The following NUP93 variants were observed in gnomAD, a reference collection of about 807,000 sequenced individuals.
The protein encoded by NUP93 is nuclear pore complex protein Nup93.
NUP93 carries 55 observed loss-of-function variants against 107.8 expected under a neutral mutation model. That is an observed-to-expected ratio of 0.51 (90% CI 0.41 to 0.64). NUP93 has a LOEUF of 0.64. NUP93 is among the 30% of genes least tolerant of loss of function. NUP93 has a pLI of 0.00. For missense variants in NUP93, 937 were observed against 1,044.7 expected, an observed-to-expected ratio of 0.90 and a Z score of 1.42; for synonymous variants, 390 against 397.5, an observed-to-expected ratio of 0.98 and a Z score of 0.22.
chr16:56,781,671 G>A, intron 3 of NUP93: 4 of 191,492 alleles, frequency 2.1e-5, no homozygotes, highest in Non-Finnish European at 3.8e-5. Context: ...CAAGATGTCG[G>A]AAGTCATCAA....
chr16:56,839,706 T>A, intron 20 of NUP93, 102 bp downstream of exon 20: 2 of 944,936 alleles, frequency 2.1e-6, no homozygotes, highest in Non-Finnish European at 3.4e-6. Context: ...CTAGTTACAG[T>A]AACTATCCAG....
intron 20 of NUP93, chr16:56,840,055 C>A (rs969169724): frequency 1.4e-4 from 25 of 174,508 alleles, no homozygotes; most frequent in African/African-American, 5.0e-4. Context: ...GAGTCTCACT[C>A]TGTCACCCAG....
In NUP93 at chr16:56,850,095, TTTCC is replaced by T. The variant is rs1382579006; in HGVS notation, c.*5489_*5492del. On this transcript the variant is annotated 3_prime_UTR_variant, in exon 22 of 22. Transcript: ENST00000308159. ...TTGCGTTTTTCAGTTGACTGATTAT[TTTCC>T]TTTTTTTCTTTTTTGCTTTTCTCGA... 2.0e-5 allele frequency: 3 copies of T among 152,236 alleles called. No individual in the cohort carries two copies. The highest frequency in any genetic ancestry group is 7.2e-5 in the African/African-American group (3 of 41,452). 9.4% of individuals were successfully genotyped at this position (152,236 alleles called of 1,614,324 possible).
intron 5 of NUP93, among the ~76,000 whole-genome samples, chr16:56,815,247 C>T (rs142600574): frequency 2.0e-5 from 3 of 152,150 alleles, no homozygotes; most frequent in Non-Finnish European, 2.9e-5. Flanking sequence ...TGTTTATTCT[C>T]CTTGACTAGG....
intron 5 of NUP93, among the ~76,000 whole-genome samples, chr16:56,808,522 A>ATAAATATATAGTTATGTAAC (rs1963222457): frequency 1.6e-5 from 2 of 124,706 alleles, no homozygotes; most frequent in Admixed American, 8.7e-5. Flanking sequence ...ATGTAACTAT[A>ATAAATATATAGTTATGTAAC]TATAAATATA....
chr16:56,819,671 T>C (rs1442989860), intron 6 of NUP93, among the ~76,000 whole-genome samples: 1 of 152,366 alleles, frequency 6.6e-6, no homozygotes, highest in African/African-American at 2.4e-5. Flanking sequence ...GACCCTGTGC[T>C]CTTTAACCAA....
chr16:56,741,364 A>G (rs888386784), intron 1 of NUP93, among the ~76,000 whole-genome samples: 2 of 152,228 alleles, frequency 1.3e-5, no homozygotes, highest in African/African-American at 4.8e-5. Flanking sequence ...TCCTTGAAGT[A>G]GGTAGGAATT....
Position 56,768,866 on chromosome 16 carries a change from C to CA in NUP93, c.297+10226dup, listed in dbSNP as rs10674596. ...TGGGGGACAGAGCAAGACTCTGTCT[C>CA]AAAAAAAAAAAAAAATTGACTTTTG... On this transcript the variant is annotated intron_variant, in intron 3 of 21. Transcript: ENST00000308159. 2.1e-3 allele frequency among the ~76,000 whole-genome samples: 281 copies of CA among 135,498 alleles called. 2 individuals are homozygous for CA. Among genetic ancestry groups the CA allele is most frequent in the Middle Eastern group, 3.8e-3 (1 of 260 alleles). The allele number at this position is 135,498 out of a possible 152,430, so 88.9% of individuals were successfully genotyped here.
chr16:56,808,973 C>T (rs1267827267), intron 5 of NUP93, among the ~76,000 whole-genome samples: 1 of 151,702 alleles, frequency 6.6e-6, no homozygotes, highest in Non-Finnish European at 1.5e-5. Flanking sequence ...TGTAAATTTG[C>T]GAAGTGTCTT....
chr16:56,756,492 C>T (rs1321366726), intron 2 of NUP93, among the ~76,000 whole-genome samples: 4 of 152,038 alleles, frequency 2.6e-5, no homozygotes, highest in Non-Finnish European at 4.4e-5. Context: ...TTGATGGCTG[C>T]GTGGTATTCC....
intron 2 of NUP93, among the ~76,000 whole-genome samples, chr16:56,749,509 A>T (rs1023970548): frequency 6.6e-6 from 1 of 152,230 alleles, no homozygotes; most frequent in African/African-American, 2.4e-5. Flanking sequence ...GGGTCCGGAA[A>T]GACACTGAGA....
chr16:56,818,550 A>T (rs1963480607), intron 5 of NUP93, 114 bp from the exon 6 acceptor site: 11 of 830,852 alleles, frequency 1.3e-5, no homozygotes, highest in Non-Finnish European at 2.1e-5. Flanking sequence ...CTTAACTAGG[A>T]AACAGACTTT....
chr16:56,823,942 G>GATAC, intron 8 of NUP93, 96 bp downstream of exon 8: 1 of 1,428,420 alleles, frequency 7.0e-7, no homozygotes, highest in Non-Finnish European at 9.4e-7. Context: ...GTGTGCTGTA[G>GATAC]GTATAATTTA....
chr16:56,770,831 A>G (rs1962306716), intron 3 of NUP93, among the ~76,000 whole-genome samples: 1 of 152,076 alleles, frequency 6.6e-6, no homozygotes, highest in Non-Finnish European at 1.5e-5. Context: ...TGGGAGGCCG[A>G]GGCTGGTGGA....
chr16:56,833,214 G>A lies in NUP93; in HGVS notation c.1346-1G>A, dbSNP rs1214001629. 1 of 1,598,034 alleles carries A rather than the reference G, an allele frequency of 6.3e-7. No homozygotes were observed. Among genetic ancestry groups the A allele is most frequent in the East Asian group, 2.3e-5 (1 of 43,554 alleles). On this transcript the variant is annotated splice_acceptor_variant, in intron 12 of 21. Transcript: ENST00000308159. LOFTEE classifies it high-confidence loss of function. ...ATCTCCTCTCCTCTCCTCTCTCCCA[G>A]GCGAGTCCCACTTTACGGTGAACCA...
At chr16:56,741,238 T>A (rs1446654124) in intron 1 of NUP93, among the ~76,000 whole-genome samples, 1 of 152,210 alleles carries the variant, frequency 6.6e-6, no homozygotes, top group Non-Finnish European at 1.5e-5. Context: ...AGCAGAGATG[T>A]TTATAATTAA....
intron 5 of NUP93, among the ~76,000 whole-genome samples, chr16:56,808,913 C>T (rs1350417327): frequency 1.3e-5 from 2 of 151,092 alleles, no homozygotes; most frequent in Non-Finnish European, 2.9e-5. Context: ...ATACCCTATT[C>T]TCTTCTCCCT....
At chr16:56,842,827 A>G (rs549108975) in intron 21 of NUP93, 2 of 314,162 alleles carry the variant, frequency 6.4e-6, no homozygotes, top group Admixed American at 4.4e-5. Context: ...TGCTAGGATT[A>G]CAGATGTGAG....
intron 4 of NUP93, among the ~76,000 whole-genome samples, chr16:56,805,043 T>C (rs1963105667): frequency 6.6e-6 from 1 of 152,216 alleles, no homozygotes; most frequent in African/African-American, 2.4e-5. Flanking sequence ...TCTTGCTCTG[T>C]TGCCCAGGTT....
Sources: gnomAD v4.1 joint callset for allele counts (sites outside exome capture counted in the v4.1 genomes callset) on GRCh38, gnomAD v4.1.1 for gene constraint, MANE v1.5 for transcripts, NCBI Gene and HGNC (gene_info 2026-07-23, HGNC 2026-07-21) for gene names.